RTKN: variants seen among roughly 807,000 people sequenced by gnomAD.
RTKN encodes the protein rhotekin.
RTKN carries 49 observed loss-of-function variants against 63.5 expected under a neutral mutation model. That is an observed-to-expected ratio of 0.77 (90% CI 0.61 to 0.98). RTKN has a LOEUF of 0.98. RTKN is among the 50% of genes least tolerant of loss of function. The pLI, the probability that RTKN is intolerant of heterozygous loss-of-function variation, is 0.00. For missense variants in RTKN, 685 were observed against 740.8 expected, an observed-to-expected ratio of 0.92 and a Z score of 0.87; for synonymous variants, 295 against 290.4, an observed-to-expected ratio of 1.02 and a Z score of -0.16.
At position 74,426,603 on chromosome 2, in the gene RTKN, G is replaced by A. The variant is rs375362850; in HGVS notation, c.1361-29C>T. 5.9e-6 allele frequency: 9 copies of A among 1,515,370 alleles called. No homozygotes were observed. In the African/African-American group the frequency reaches 1.1e-4, roughly 19 times the overall value. The allele number at this position is 1,515,370 out of a possible 1,614,324, so 93.9% of individuals were successfully genotyped here. On this transcript the variant is annotated intron_variant, in intron 11 of 11. Transcript: ENST00000272430. Reference sequence around the variant, plus strand: ...TGGCACCAGGAAGGGGTTGGGGGAGGGTTGGGCTAGTCAGAGCTCAGGCCC... The same window carrying A: ...TGGCACCAGGAAGGGGTTGGGGGAGAGTTGGGCTAGTCAGAGCTCAGGCCC...
chr2:74,429,927 C>A lies in RTKN; in HGVS notation c.656G>T (p.Ser219Ile), dbSNP rs749800642. Residue 219 changes from serine (S) to isoleucine (I), a missense_variant, in exon 6 of 12, where the codon AGC becomes ATC. Physicochemically the swap from Ser to Ile is moderately radical, Grantham distance 142 (BLOSUM62 -2). Transcript: ENST00000272430. ...CCTCCCTGAGGAGCGGCCCAGGGAG[C>A]TGCTGAGTTTGGTGGCAAGCCTCTT... ...GPKRLATKLS[S>I]SLGRSSGRRV... The A allele has an allele frequency of 6.2e-7, 1 of 1,614,226 alleles. No individual in the cohort carries two copies. The highest frequency in any genetic ancestry group is 2.2e-5 in the East Asian group (1 of 44,882).
intron 6 of RTKN, 124 bp from the exon 7 acceptor site, chr2:74,429,066 G>A: frequency 4.1e-6 from 3 of 727,542 alleles, no homozygotes; most frequent in Non-Finnish European, 7.3e-6. Context: ...TGCCTCCCCA[G>A]AGGGTTAGGA....
At position 74,432,484 on chromosome 2, in the gene RTKN, C is replaced by T. The variant is rs1670806936; in HGVS notation, c.294G>A (p.Leu98=). The T allele has an allele frequency of 1.2e-6, 2 of 1,610,708 alleles. No individual in the cohort carries two copies. The highest frequency in any genetic ancestry group is 2.7e-5 in the African/African-American group (2 of 74,950). ...TTGCTCACCGCCGGCTTGTCTTCCC[C>T]AGCACCTGCGCCTCCTTGCGCCGCT... ...ELQRRKEAQV[L]GKTSRRPSDS... Residue 98 remains leucine, a synonymous_variant, in exon 2 of 12, where the codon CTG becomes CTA. Transcript: ENST00000272430.
Position 74,427,175 on chromosome 2 carries a change from C to T in RTKN, c.1354G>A (p.Glu452Lys). 1 of 1,613,762 alleles carries T rather than the reference C, an allele frequency of 6.2e-7. No homozygotes were observed. Among genetic ancestry groups the T allele is most frequent in the South Asian group, 1.1e-5 (1 of 91,062 alleles). ...ALAKQGSLYH[E>K]MAIEPLDDIA... ...TCACATTCCTCTCACTTACCCATCT[C>T]ATGGTACAAGGACCCCTGCTTTGCC... Residue 452 changes from glutamate to lysine, a missense_variant, in exon 11 of 12, where the codon GAG (glutamate) becomes AAG (lysine). Physicochemically the swap from Glu to Lys is moderately conservative, Grantham distance 56. Transcript: ENST00000272430.
At chr2:74,440,091 C>A (rs1209324835) in intron 1 of RTKN, 22 of 718,850 alleles carry the variant, frequency 3.1e-5, no homozygotes, top group African/African-American at 3.8e-5. Flanking sequence ...GAGGGGCAGG[C>A]ACAACTGGAA....
In RTKN at chr2:74,441,834, T is replaced by C; in HGVS notation, c.-18A>G. 1 of 1,550,280 alleles carries C rather than the reference T, an allele frequency of 6.5e-7. No homozygotes were observed. The highest frequency in any genetic ancestry group is 8.8e-7 in the Non-Finnish European group (1 of 1,130,190). ...GAGAACATGCTGGCGGCCCTGCGAC[T>C]TTGCCTGCTCAGTGCGCTCCCCGCG... On this transcript the variant is annotated 5_prime_UTR_variant, in exon 1 of 12. Coordinates refer to ENST00000272430, the MANE Select transcript of RTKN (RefSeq NM_001015055.2).
At chr2:74,440,432 G>T (rs1191337585) in intron 1 of RTKN, 1 of 986,788 alleles carries the variant, frequency 1.0e-6, no homozygotes, top group Non-Finnish European at 1.2e-6. Context: ...GCTCCCTTCT[G>T]CAGGCCCCTT....
chr2:74,432,630 G>C lies in RTKN; in HGVS notation c.148C>G (p.Arg50Gly). ...ELQRKLDHEI[R>G]MREGACKLLA... ...AGCTTACAGGCCCCTTCCCTCATCC[G>C]GATCTCATGGTCTAGCTTCCTCTGC... Residue 50 changes from arginine (R) to glycine (G), a missense_variant, in exon 2 of 12, where the codon CGG (arginine) becomes GGG (glycine). Coordinates refer to ENST00000272430, the MANE Select transcript of RTKN (RefSeq NM_001015055.2). 1.2e-6 allele frequency: 2 copies of C among 1,614,166 alleles called. No individual in the cohort carries two copies. The highest frequency in any genetic ancestry group is 1.7e-6 in the Non-Finnish European group (2 of 1,180,038).
chr2:74,426,145 G>T lies in RTKN; in HGVS notation c.*98C>A. ...GGTCCAGCAGAGGAACAGGAGGCCA[G>T]ACTGGCCAACTTGCTATAGACAGCG... is the stretch of plus-strand genomic sequence containing the variant. On this transcript the variant is annotated 3_prime_UTR_variant, in exon 12 of 12. Coordinates refer to ENST00000272430, the MANE Select transcript of RTKN (RefSeq NM_001015055.2). 9.0e-7 allele frequency: 1 copy of T among 1,114,506 alleles called. No individual in the cohort carries two copies. The highest frequency in any genetic ancestry group is 1.4e-5 in the South Asian group (1 of 69,506). The allele number at this position is 1,114,506 out of a possible 1,614,324, so 69.0% of individuals were successfully genotyped here.
intron 2 of RTKN, chr2:74,430,915 CA>C (rs1426597879): frequency 1.8e-6 from 1 of 550,070 alleles, no homozygotes; most frequent in African/African-American, 1.9e-5. Context: ...GGCACAAGCT[CA>C]GGGCTCCTCT....
rs376841050 is a variant in RTKN, at chr2:74,426,546, C to T, written c.1389G>A (p.Ala463=). 267 of 1,537,930 alleles carry T rather than the reference C, an allele frequency of 1.7e-4. No individual in the cohort carries two copies. The highest frequency in any genetic ancestry group is 2.2e-4 in the Non-Finnish European group (246 of 1,139,890). Residue 463 remains alanine (A), a synonymous_variant, in exon 12 of 12, where the codon GCG becomes GCA. Coordinates refer to ENST00000272430, the MANE Select transcript of RTKN (RefSeq NM_001015055.2). ...CCCGCTGGGTCAGGATGTCTGTCACCGCTGCGATGTCATCCAGCGGCTCAA... is the reference window on the plus strand; with the variant it reads ...CCCGCTGGGTCAGGATGTCTGTCACTGCTGCGATGTCATCCAGCGGCTCAA... ...MAIEPLDDIA[A]VTDILTQREG...
In RTKN at chr2:74,426,559, TCCAG is replaced by T; in HGVS notation, c.1372_1375del (p.Leu458MetfsTer6). ...GATGTCTGTCACCGCTGCGATGTCA[TCCAG>T]CGGCTCAATAGCTGTGGCACCAGGA... On this transcript the variant is annotated frameshift_variant, in exon 12 of 12. Transcript: ENST00000272430. LOFTEE classifies it high-confidence loss of function. The T allele has an allele frequency of 6.5e-7, 1 of 1,530,584 alleles. No homozygotes were observed. Among genetic ancestry groups the T allele is most frequent in the Non-Finnish European group, 8.8e-7 (1 of 1,136,372 alleles). The allele number at this position is 1,530,584 out of a possible 1,614,324, so 94.8% of individuals were successfully genotyped here. A position where few individuals can be genotyped will look rare whatever the true frequency, so the allele number is the denominator to read the frequency against.
intron 9 of RTKN, chr2:74,427,866 A>C (rs1224592128): frequency 2.0e-6 from 1 of 506,400 alleles, no homozygotes; most frequent in Non-Finnish European, 3.5e-6. Context: ...TGCTCCAGCC[A>C]GAGGTCCCTC....
chr2:74,428,992 G>A, intron 6 of RTKN, 50 bp from the exon 7 acceptor site: 2 of 1,460,306 alleles, frequency 1.4e-6, no homozygotes, highest in South Asian at 1.1e-5. Context: ...ATGTTGGCCA[G>A]CAGGAACTCT....
intron 11 of RTKN, 158 bp from the exon 12 acceptor site, chr2:74,426,732 C>T (rs1290849928): frequency 6.5e-6 from 9 of 1,376,062 alleles, no homozygotes; most frequent in Non-Finnish European, 8.4e-6. Context: ...CTCACCTGGG[C>T]CCCCTGGGGC....
intron 6 of RTKN, among the ~76,000 whole-genome samples, chr2:74,429,190 G>A (rs888629390): frequency 6.6e-6 from 1 of 152,190 alleles, no homozygotes; most frequent in African/African-American, 2.4e-5. Context: ...ACTAGATGAG[G>A]CAGCTTGAGG....
chr2:74,438,513 T>C (rs1474143778), intron 1 of RTKN, among the ~76,000 whole-genome samples: 1 of 152,208 alleles, frequency 6.6e-6, no homozygotes, highest in African/African-American at 2.4e-5. Flanking sequence ...AAACATGGCA[T>C]GAGTCATTCC....
rs1468006148 is a variant in RTKN at position 74,441,690 on chromosome 2, G to A, written c.111+16C>T. The A allele has an allele frequency of 6.3e-7, 1 of 1,591,120 alleles. No individual in the cohort carries two copies. The highest frequency in any genetic ancestry group is 8.6e-7 in the Non-Finnish European group (1 of 1,165,540). On this transcript the variant is annotated intron_variant, in intron 1 of 11. Coordinates refer to ENST00000272430, the MANE Select transcript of RTKN (RefSeq NM_001015055.2). ...GGGAGCCGCGGAAGGGGAAGGCAGG[G>A]ACGCGAGTCTCTCACCTCGGGCAGG...
At position 74,436,979 on chromosome 2, in the gene RTKN, C is replaced by A. The variant is rs904263097; in HGVS notation, c.112-4313G>T. Among the ~76,000 whole-genome samples the A allele has an allele frequency of 1.3e-5, 2 of 152,184 alleles. No individual in the cohort carries two copies. Among genetic ancestry groups the A allele is most frequent in the African/African-American group, 2.4e-5 (1 of 41,436 alleles). On this transcript the variant is annotated intron_variant, in intron 1 of 11. Coordinates refer to ENST00000272430, the MANE Select transcript of RTKN (RefSeq NM_001015055.2). The surrounding 1 kb of genome is among the most constrained non-coding windows in gnomAD (Gnocchi z 4.3). Reference sequence around the variant, plus strand: ...TGGACCCGGGTCAGATCCCAAGGGGCTAGAGGATGAGTCATGGGCCCCACA... The same window carrying A: ...TGGACCCGGGTCAGATCCCAAGGGGATAGAGGATGAGTCATGGGCCCCACA...
Sources: gnomAD v4.1 joint callset for allele counts (sites outside exome capture counted in the v4.1 genomes callset) on GRCh38, gnomAD v4.1.1 for gene constraint, Gnocchi (gnomAD v3.1) non-coding constraint, MANE v1.5 for transcripts, NCBI Gene and HGNC (gene_info 2026-07-23, HGNC 2026-07-21) for gene names.